FAF1: variants seen among roughly 807,000 people sequenced by gnomAD.
FAF1 encodes Fas associated factor 1, also known as FAS-associated factor 1.
Under a neutral mutation model 92.5 loss-of-function variants are expected in FAF1, and 25 were observed. That is an observed-to-expected ratio of 0.27 (90% CI 0.20 to 0.38). The LOEUF (loss-of-function observed/expected upper bound fraction) is 0.38, where lower values mean the gene tolerates loss of function less well. Ranked by LOEUF, FAF1 falls within the 10% of genes least tolerant of loss-of-function variation. The probability of loss-of-function intolerance (pLI) is 1.00; values close to 1 mark genes in which losing one functional copy is unlikely to be tolerated. For synonymous variants in FAF1, 234 were observed against 273.2 expected (o/e 0.86, Z 1.42); for missense variants, 636 against 793.3 (o/e 0.80, Z 2.38).
chr1:50,911,412 C>T (rs1644884489), intron 1 of FAF1, among the ~76,000 whole-genome samples: 1 of 150,960 alleles, frequency 6.6e-6, no homozygotes, highest in Non-Finnish European at 1.5e-5. Context: ...AAACTTCTTC[C>T]TGGCTGGGCG....
At chr1:50,828,048 A>G (rs1228166909) in intron 2 of FAF1, among the ~76,000 whole-genome samples, 2 of 152,106 alleles carry the variant, frequency 1.3e-5, no homozygotes, top group Non-Finnish European at 2.9e-5. Flanking sequence ...AATATCCAAG[A>G]CCATCTTAGT....
chr1:50,643,016 G>C (rs1417018181), intron 8 of FAF1, among the ~76,000 whole-genome samples: 2 of 151,970 alleles, frequency 1.3e-5, no homozygotes, highest in African/African-American at 2.4e-5. Context: ...AATTTTTGTA[G>C]ACAGGGTTTC....
chr1:50,667,699 G>C (rs1407446386), intron 7 of FAF1, among the ~76,000 whole-genome samples: 2 of 152,134 alleles, frequency 1.3e-5, no homozygotes, highest in Non-Finnish European at 2.9e-5. Flanking sequence ...CATTCACTTA[G>C]TTAATGTCTA....
intron 15 of FAF1, among the ~76,000 whole-genome samples, chr1:50,507,560 C>T (rs1164292941): frequency 2.0e-5 from 3 of 152,092 alleles, no homozygotes; most frequent in Non-Finnish European, 1.5e-5. Context: ...GATAACATGG[C>T]GAGACCCATA....
At chr1:50,738,982 T>A in intron 5 of FAF1, 28 bp from the exon 6 acceptor site, 2 of 1,279,328 alleles carry the variant, frequency 1.6e-6, no homozygotes, top group Non-Finnish European at 2.2e-6. Context: ...CAGCAAAAAA[T>A]GAATGTTGAT....
At chr1:50,675,400 T>TCA (rs1436573204) in intron 7 of FAF1, among the ~76,000 whole-genome samples, 1 of 152,234 alleles carries the variant, frequency 6.6e-6, no homozygotes, top group Non-Finnish European at 1.5e-5. Context: ...CAAATGGCAT[T>TCA]CAGCCTTTGT....
chr1:50,581,708 A>G (rs1191014635), intron 12 of FAF1, among the ~76,000 whole-genome samples: 4 of 152,132 alleles, frequency 2.6e-5, no homozygotes, highest in African/African-American at 9.7e-5. Context: ...TGGAAAAGGT[A>G]AGTTTCAGAG....
intron 18 of FAF1, among the ~76,000 whole-genome samples, chr1:50,468,195 TGAGA>T: frequency 6.6e-6 from 1 of 151,970 alleles, no homozygotes; most frequent in Non-Finnish European, 1.5e-5. Flanking sequence ...TATGACAGAG[TGAGA>T]CTCTGTCTCA....
At chr1:50,530,672 T>C (rs1404787561) in intron 15 of FAF1, among the ~76,000 whole-genome samples, 1 of 152,162 alleles carries the variant, frequency 6.6e-6, no homozygotes, top group Non-Finnish European at 1.5e-5. Context: ...AATAAATGCT[T>C]GAGGAGATGG....
chr1:50,620,073 T>C (rs1653119814), intron 8 of FAF1, among the ~76,000 whole-genome samples: 1 of 152,116 alleles, frequency 6.6e-6, no homozygotes, highest in African/African-American at 2.4e-5. Flanking sequence ...TACGCCTGGC[T>C]AATTTTTGTA....
chr1:50,647,687 G>C (rs980541171), intron 8 of FAF1, among the ~76,000 whole-genome samples: 77 of 152,176 alleles, frequency 5.1e-4, no homozygotes, highest in African/African-American at 1.8e-3. Context: ...AATAAACCTA[G>C]CAGTAAGTAT....
intron 8 of FAF1, among the ~76,000 whole-genome samples, chr1:50,600,488 G>T (rs1203986922): frequency 3.9e-5 from 6 of 152,102 alleles, no homozygotes; most frequent in African/African-American, 1.4e-4. Context: ...GTAACATTTA[G>T]CTTTACCCGA....
At chr1:50,949,071 C>T (rs1468854249) in intron 1 of FAF1, among the ~76,000 whole-genome samples, 1 of 152,198 alleles carries the variant, frequency 6.6e-6, no homozygotes, top group African/African-American at 2.4e-5. Flanking sequence ...ATCACAAAAT[C>T]AAAGAATCAC....
intron 8 of FAF1, among the ~76,000 whole-genome samples, chr1:50,599,109 GTATT>G (rs950525483): frequency 6.6e-6 from 1 of 151,962 alleles, no homozygotes; most frequent in Non-Finnish European, 1.5e-5. Flanking sequence ...TCACTGTGTT[GTATT>G]TATTTATTTA....
intron 4 of FAF1, among the ~76,000 whole-genome samples, chr1:50,768,665 C>T (rs1660668168): frequency 6.6e-6 from 1 of 151,890 alleles, no homozygotes; most frequent in African/African-American, 2.4e-5. Context: ...GGAAATTAAA[C>T]AACCTATCCT....
At chr1:50,780,874 G>T in intron 4 of FAF1, 1 of 473,648 alleles carries the variant, frequency 2.1e-6, no homozygotes, top group Non-Finnish European at 4.2e-6. Flanking sequence ...AGGAGTCACA[G>T]AAGTGGTGGA....
At chr1:50,927,517 G>C (rs925698451) in intron 1 of FAF1, among the ~76,000 whole-genome samples, 1 of 152,044 alleles carries the variant, frequency 6.6e-6, no homozygotes, top group African/African-American at 2.4e-5. Flanking sequence ...ACTCTGCCTG[G>C]GCGGCAGAGT....
At chr1:50,567,850 A>G (rs1216080601) in intron 12 of FAF1, among the ~76,000 whole-genome samples, 2 of 152,122 alleles carry the variant, frequency 1.3e-5, no homozygotes, top group Non-Finnish European at 2.9e-5. Flanking sequence ...GTTCACATGC[A>G]TTCTTTCTAG....
At chr1:50,932,871 C>T (rs1645059166) in intron 1 of FAF1, among the ~76,000 whole-genome samples, 1 of 152,206 alleles carries the variant, frequency 6.6e-6, no homozygotes, top group Non-Finnish European at 1.5e-5. Flanking sequence ...TCTCAAACCT[C>T]AATTCTTGAC....
Sources: allele counts gnomAD v4.1 joint callset (sites outside exome capture counted in the v4.1 genomes callset), GRCh38; gene constraint gnomAD v4.1.1; transcripts MANE v1.5; gene names NCBI Gene and HGNC (gene_info 2026-07-23, HGNC 2026-07-21).